The following ZMAT4 variants were observed in gnomAD, a reference collection of about 807,000 sequenced individuals.
ZMAT4 encodes the protein zinc finger matrin-type protein 4.
In ZMAT4, 17 loss-of-function variants were observed where a neutral mutation model predicts 28.7. The ratio of observed to expected loss-of-function variants is 0.59; its 90% confidence interval spans 0.41 to 0.89. The LOEUF is 0.89. ZMAT4 is among the 40% of genes least tolerant of loss of function. The pLI is 0.00. For missense variants in ZMAT4, 240 were observed against 283.8 expected (o/e 0.85, Z 1.11); for synonymous variants, 117 against 109.2 (o/e 1.07, Z -0.44).
rs530624756 is a variant in ZMAT4, at chr8:40,834,310, C to A, written c.-4-8630G>T. ...TGCAACTGATTCTTTGCCACCTCTC[C>A]CCTCTCTGATCCCTTGTCCTTTGTC... On this transcript the variant is annotated intron_variant, in intron 1 of 6. Coordinates refer to ENST00000297737, the MANE Select transcript of ZMAT4 (RefSeq NM_024645.3). Among the ~76,000 whole-genome samples, 22 of 152,198 alleles carry A rather than the reference C, an allele frequency of 1.4e-4. No homozygotes were observed. In the South Asian group the frequency reaches 3.9e-3, roughly 27 times the overall value.
intron 3 of ZMAT4, among the ~76,000 whole-genome samples, chr8:40,749,199 A>G (rs1014524045): frequency 6.6e-6 from 1 of 152,156 alleles, no homozygotes; most frequent in Admixed American, 6.5e-5. Context: ...ATGAGAACAG[A>G]CTAATACACT....
intron 5 of ZMAT4, among the ~76,000 whole-genome samples, chr8:40,648,123 T>G (rs559580476): frequency 1.3e-5 from 2 of 152,254 alleles, no homozygotes; most frequent in African/African-American, 4.8e-5. Context: ...ATCAAATTAC[T>G]CTGAGCTATG....
rs890055793 is a variant in ZMAT4 at position 40,532,130 on chromosome 8, T to C, written c.*93A>G. Reference sequence around the variant, plus strand: ...AATCCTTATAAGAAATGTTTATTGTTCAAGAAAGAAGCCTCCTCTGGTGGT... The same window carrying C: ...AATCCTTATAAGAAATGTTTATTGTCCAAGAAAGAAGCCTCCTCTGGTGGT... On this transcript the variant is annotated 3_prime_UTR_variant, in exon 7 of 7. Transcript: ENST00000297737. 8.1e-7 allele frequency: 1 copy of C among 1,229,774 alleles called. No homozygotes were observed. The highest frequency in any genetic ancestry group is 1.1e-6 in the Non-Finnish European group (1 of 902,360). 76.2% of individuals were successfully genotyped at this position (1,229,774 alleles called of 1,614,324 possible).
At chr8:40,580,245 C>T (rs906901469) in intron 6 of ZMAT4, among the ~76,000 whole-genome samples, 1 of 151,998 alleles carries the variant, frequency 6.6e-6, no homozygotes, top group Admixed American at 6.6e-5. Flanking sequence ...ATCTGCTGAC[C>T]TCCTGATCCG....
chr8:40,839,918 C>A (rs1177447790), intron 1 of ZMAT4, among the ~76,000 whole-genome samples: 1 of 152,146 alleles, frequency 6.6e-6, no homozygotes. Flanking sequence ...TGCATGTACC[C>A]CATACATTTG....
chr8:40,829,442 G>T (rs759472165), intron 1 of ZMAT4, among the ~76,000 whole-genome samples: 7 of 152,182 alleles, frequency 4.6e-5, no homozygotes, highest in African/African-American at 1.4e-4. Flanking sequence ...CTGTCCGGGG[G>T]TCTGAGTTCC....
chr8:40,559,615 T>C (rs890703223), intron 6 of ZMAT4, among the ~76,000 whole-genome samples: 2 of 152,150 alleles, frequency 1.3e-5, no homozygotes, highest in African/African-American at 4.8e-5. Context: ...TTGTAGGTTG[T>C]AACCCTTTAT....
chr8:40,647,619 G>A (rs1807397473), intron 5 of ZMAT4, among the ~76,000 whole-genome samples: 1 of 152,146 alleles, frequency 6.6e-6, no homozygotes. Context: ...CACCTCTGGG[G>A]GCAGGGCACA....
intron 5 of ZMAT4, among the ~76,000 whole-genome samples, chr8:40,659,225 G>A (rs1257025108): frequency 6.6e-6 from 1 of 152,116 alleles, no homozygotes; most frequent in African/African-American, 2.4e-5. Context: ...AAACTCCTAA[G>A]TGTGCACTTT....
At chr8:40,820,458 CTG>C (rs1050901861) in intron 2 of ZMAT4, among the ~76,000 whole-genome samples, 1 of 97,990 alleles carries the variant, frequency 1.0e-5, no homozygotes, top group South Asian at 3.9e-4. Flanking sequence ...TGTGGGGTGT[CTG>C]GGGGTGTATG....
rs74956926 is a variant in ZMAT4, at chr8:40,553,354, C to G, written c.675-21116G>C. Among the ~76,000 whole-genome samples, 5 of 152,268 alleles carry G rather than the reference C, an allele frequency of 3.3e-5. No homozygotes were observed. The East Asian group carries it at 7.7e-4, about 24-fold the overall frequency. Reference sequence around the variant, plus strand: ...CCGAGTTTTCGGGTAATTTCTTATACAGCCCTGGATGGCTAATAGAAAACT... The same window carrying G: ...CCGAGTTTTCGGGTAATTTCTTATAGAGCCCTGGATGGCTAATAGAAAACT... On this transcript the variant is annotated intron_variant, in intron 6 of 6. Coordinates refer to ENST00000297737, the MANE Select transcript of ZMAT4 (RefSeq NM_024645.3).
intron 5 of ZMAT4, among the ~76,000 whole-genome samples, chr8:40,659,744 G>A (rs1227565560): frequency 3.9e-5 from 6 of 152,084 alleles, no homozygotes; most frequent in African/African-American, 7.2e-5. Context: ...CAACACCTTC[G>A]TTTCTGAGAG....
chr8:40,770,385 G>T (rs900804183), intron 2 of ZMAT4, among the ~76,000 whole-genome samples: 1 of 151,866 alleles, frequency 6.6e-6, no homozygotes, highest in Non-Finnish European at 1.5e-5. Flanking sequence ...AGGGAAAGAG[G>T]TTCCCTGCAG....
chr8:40,801,316 G>T (rs13273412), intron 2 of ZMAT4, among the ~76,000 whole-genome samples: 20,075 of 139,088 alleles, frequency 0.14, 1,806 homozygotes, highest in Non-Finnish European at 0.2. Flanking sequence ...AATTCTCTAT[G>T]GTGTCTTTCA....
intron 1 of ZMAT4, among the ~76,000 whole-genome samples, chr8:40,831,297 C>T (rs920731485): frequency 6.6e-6 from 1 of 152,210 alleles, no homozygotes; most frequent in Non-Finnish European, 1.5e-5. Context: ...TCACAAGGTG[C>T]TGACCCTGAC....
intron 1 of ZMAT4, among the ~76,000 whole-genome samples, chr8:40,861,620 G>A (rs1440718440): frequency 1.3e-5 from 2 of 152,178 alleles, no homozygotes; most frequent in East Asian, 1.9e-4. Flanking sequence ...ACTACCATCA[G>A]AGTGAACAGG....
chr8:40,555,195 A>G (rs1803494474), intron 6 of ZMAT4, among the ~76,000 whole-genome samples: 1 of 152,076 alleles, frequency 6.6e-6, no homozygotes, highest in Admixed American at 6.6e-5. Flanking sequence ...TATATACTAC[A>G]TTTTCTTTAT....
intron 1 of ZMAT4, among the ~76,000 whole-genome samples, chr8:40,831,701 A>G (rs1355965554): frequency 2.0e-5 from 3 of 152,214 alleles, no homozygotes; most frequent in African/African-American, 7.2e-5. Context: ...ACTCATGGAC[A>G]CTTCAACTGA....
At chr8:40,691,176 G>A (rs922203685) in intron 4 of ZMAT4, among the ~76,000 whole-genome samples, 2 of 152,150 alleles carry the variant, frequency 1.3e-5, no homozygotes, top group Non-Finnish European at 2.9e-5. Flanking sequence ...CTGCTTAAAT[G>A]TGTCTGATTT....
Sources: gnomAD v4.1 joint callset for allele counts (sites outside exome capture counted in the v4.1 genomes callset) on GRCh38, gnomAD v4.1.1 for gene constraint, MANE v1.5 for transcripts, NCBI Gene and HGNC (gene_info 2026-07-23, HGNC 2026-07-21) for gene names.